The following RWDD1 variants were observed in gnomAD, a reference collection of about 807,000 sequenced individuals.
The protein encoded by RWDD1 is RWD domain containing 1, also known as RWD domain-containing protein 1.
In RWDD1, 17 loss-of-function variants were observed where a neutral mutation model predicts 31.6. The ratio of observed to expected loss-of-function variants is 0.54; its 90% CI spans 0.37 to 0.81. The LOEUF is 0.81. RWDD1 is among the 30% of genes least tolerant of loss of function. The pLI is 0.00. For synonymous variants in RWDD1, 78 were observed against 94.2 expected (o/e 0.83, Z 0.99); for missense variants, 204 against 274.5 (o/e 0.74, Z 1.82).
chr6:116,573,290 C>A (rs1774779414), intron 1 of RWDD1, among the ~76,000 whole-genome samples: 1 of 152,126 alleles, frequency 6.6e-6, no homozygotes, highest in East Asian at 1.9e-4. Context: ...TTGTACTAGG[C>A]CCTGACAGCT....
Position 116,581,389 on chromosome 6 carries a change from A to T in RWDD1, c.139+1029A>T, listed in dbSNP as rs1305608667. Among the ~76,000 whole-genome samples the T allele has an allele frequency of 2.0e-5, 3 of 152,060 alleles. 1 individual carries two copies. The highest frequency in any genetic ancestry group is 7.2e-5 in the African/African-American group (3 of 41,440). Reference sequence around the variant, plus strand: ...TAATCCAAATAAAATTTTCTTTAAGATTACGCTGAAATGAAAAATAAAATA... The same window carrying T: ...TAATCCAAATAAAATTTTCTTTAAGTTTACGCTGAAATGAAAAATAAAATA... On this transcript the variant is annotated intron_variant, in intron 2 of 6. Transcript: ENST00000466444.
chr6:116,579,938 G>A (rs781708410), intron 1 of RWDD1, among the ~76,000 whole-genome samples: 1 of 152,174 alleles, frequency 6.6e-6, no homozygotes, highest in Non-Finnish European at 1.5e-5. Context: ...AGTTTCAGGT[G>A]AGAAACATGA....
rs148673509 is a variant in RWDD1 at position 116,573,104 on chromosome 6, T to G, written c.73+1449T>G. ...AATCATGTTTGGTCATTTCCAGTAC[T>G]TTGGAAACATACTAGGTATGAACAC... is the stretch of plus-strand genomic sequence containing the variant. On this transcript the variant is annotated intron_variant, in intron 1 of 6. Transcript: ENST00000466444. 164 of 592,084 alleles carry G rather than the reference T, an allele frequency of 2.8e-4. No individual in the cohort carries two copies. In the African/African-American group the frequency reaches 3.1e-3, roughly 11 times the overall value. The allele number at this position is 592,084 out of a possible 1,614,324, so 36.7% of individuals were successfully genotyped here. A position where few individuals can be genotyped will look rare whatever the true frequency, so the allele number is the denominator to read the frequency against.
At chr6:116,590,509 A>G in intron 5 of RWDD1, 105 bp downstream of exon 5, 2 of 1,358,396 alleles carry the variant, frequency 1.5e-6, no homozygotes, top group Non-Finnish European at 9.8e-7. Flanking sequence ...TAATATACAT[A>G]GGCATCTAGG....
intron 1 of RWDD1, among the ~76,000 whole-genome samples, chr6:116,578,036 CA>C (rs1774880608): frequency 6.6e-6 from 1 of 152,062 alleles, no homozygotes; most frequent in South Asian, 2.1e-4. Context: ...CAGCCTAGCT[CA>C]AATGACTTTC....
chr6:116,592,060 C>G (rs1775154180), intron 6 of RWDD1, among the ~76,000 whole-genome samples: 1 of 152,210 alleles, frequency 6.6e-6, no homozygotes, highest in South Asian at 2.1e-4. Context: ...TATAGTCACT[C>G]CCTATGAGAT....
rs1775233829 is a variant in RWDD1, at chr6:116,595,941, A to G, written c.*2840A>G. 1 of 152,218 alleles carries G rather than the reference A, an allele frequency of 6.6e-6. No homozygotes were observed. Among genetic ancestry groups the G allele is most frequent in the Non-Finnish European group, 1.5e-5 (1 of 68,024 alleles). The allele number at this position is 152,218 out of a possible 1,614,324, so 9.4% of individuals were successfully genotyped here. On this transcript the variant is annotated 3_prime_UTR_variant, in exon 7 of 7. Coordinates refer to ENST00000466444, the MANE Select transcript of RWDD1 (RefSeq NM_015952.4). Reference sequence around the variant, plus strand: ...TGGGGTAAAACTAAGAGGAGTGATAATAACATCTCATCAATTTAAAGGACA... The same window carrying G: ...TGGGGTAAAACTAAGAGGAGTGATAGTAACATCTCATCAATTTAAAGGACA...
intron 2 of RWDD1, among the ~76,000 whole-genome samples, 169 bp from the exon 3 acceptor site, chr6:116,584,558 T>C (rs961170536): frequency 1.3e-5 from 2 of 152,242 alleles, no homozygotes; most frequent in African/African-American, 2.4e-5. Context: ...ATTTGTTTCA[T>C]GTATCTCTTT....
chr6:116,571,891 G>C (rs1040164842), intron 1 of RWDD1, among the ~76,000 whole-genome samples: 4 of 151,942 alleles, frequency 2.6e-5, no homozygotes, highest in African/African-American at 9.7e-5. Flanking sequence ...AGGGTGTCAG[G>C]CCTGAAAATT....
chr6:116,573,484 T>A (rs1774784005), intron 1 of RWDD1, among the ~76,000 whole-genome samples: 1 of 152,260 alleles, frequency 6.6e-6, no homozygotes, highest in Non-Finnish European at 1.5e-5. Context: ...TAAATTAAAA[T>A]GAGGTGTCTT....
At position 116,579,836 on chromosome 6, in the gene RWDD1, C is replaced by T. The variant is rs117654420; in HGVS notation, c.74-459C>T. Among the ~76,000 whole-genome samples, 78 of 152,236 alleles carry T rather than the reference C, an allele frequency of 5.1e-4. 1 individual carries two copies. The East Asian group carries it at 0.012, about 24-fold the overall frequency. On this transcript the variant is annotated intron_variant, in intron 1 of 6. Coordinates refer to ENST00000466444, the MANE Select transcript of RWDD1 (RefSeq NM_015952.4). ...GACAGCAAGAAGACATAAACTTTAA[C>T]AAATCGGTATTTACTGTTTGTCATG...
In RWDD1 at chr6:116,595,074, C is replaced by T. The variant is rs958119852; in HGVS notation, c.*1973C>T. On this transcript the variant is annotated 3_prime_UTR_variant, in exon 7 of 7. Coordinates refer to ENST00000466444, the MANE Select transcript of RWDD1 (RefSeq NM_015952.4). ...TGTCCTATGTGAGATTTTGCTTTTC[C>T]CATCTTTTTGAAGCTGATCAGCAGA... 2 of 152,058 alleles carry T rather than the reference C, an allele frequency of 1.3e-5. No individual in the cohort carries two copies. The highest frequency in any genetic ancestry group is 2.9e-5 in the Non-Finnish European group (2 of 67,998). 9.4% of individuals were successfully genotyped at this position (152,058 alleles called of 1,614,324 possible).
chr6:116,591,721 C>T (rs757221481), intron 6 of RWDD1, among the ~76,000 whole-genome samples: 1 of 152,254 alleles, frequency 6.6e-6, no homozygotes, highest in African/African-American at 2.4e-5. Context: ...GCTCCATACT[C>T]AGTCACACCT....
chr6:116,591,290 A>G (rs1562380686), intron 6 of RWDD1, among the ~76,000 whole-genome samples: 1 of 152,200 alleles, frequency 6.6e-6, no homozygotes, highest in African/African-American at 2.4e-5. Context: ...ATAGCAACAT[A>G]TATTTTAAAT....
intron 3 of RWDD1, among the ~76,000 whole-genome samples, chr6:116,586,083 A>C (rs1006496806): frequency 6.6e-6 from 1 of 152,156 alleles, no homozygotes; most frequent in South Asian, 2.1e-4. Context: ...TTTTGTTTGT[A>C]CTCAAACTGT....
rs947509094 is a variant in RWDD1, at chr6:116,595,055, A to G, written c.*1954A>G. ...AGAGAGAAATCCAAAAGTTTGTCCT[A>G]TGTGAGATTTTGCTTTTCCCATCTT... On this transcript the variant is annotated 3_prime_UTR_variant, in exon 7 of 7. Coordinates refer to ENST00000466444, the MANE Select transcript of RWDD1 (RefSeq NM_015952.4). The G allele has an allele frequency of 6.6e-6, 1 of 152,240 alleles. No homozygotes were observed. The highest frequency in any genetic ancestry group is 1.5e-5 in the Non-Finnish European group (1 of 68,034). The allele number at this position is 152,240 out of a possible 1,614,324, so 9.4% of individuals were successfully genotyped here.
chr6:116,585,423 G>A (rs1382828469), intron 3 of RWDD1, among the ~76,000 whole-genome samples: 1 of 152,098 alleles, frequency 6.6e-6, no homozygotes, highest in African/African-American at 2.4e-5. Context: ...TTGTGGGATA[G>A]GCTACCTGTA....
rs1180199094 is a variant in RWDD1, at chr6:116,584,735, A to G, written c.148A>G (p.Thr50Ala). The G allele has an allele frequency of 6.2e-7, 1 of 1,611,180 alleles. No homozygotes were observed. Among genetic ancestry groups the G allele is most frequent in the Admixed American group, 1.7e-5 (1 of 59,904 alleles). The change falls in exon 3 of 7, where the codon ACT becomes GCT. Residue 50 changes from threonine (T) to alanine (A), a missense_variant. By Grantham distance (58) the Thr-to-Ala change is moderately conservative. Coordinates refer to ENST00000466444, the MANE Select transcript of RWDD1 (RefSeq NM_015952.4). Reference protein sequence around the residue: ...EAGENDETVQTTLKFTYSEKY... With the variant: ...EAGENDETVQATLKFTYSEKY... ...CTTATCTTGTGTCTTAGCTGTCCAG[A>G]CTACCCTCAAGTTTACATACAGTGA...
Position 116,593,944 on chromosome 6 carries a change from CAAA to C in RWDD1, c.*855_*857del, listed in dbSNP as rs79042369. On this transcript the variant is annotated 3_prime_UTR_variant, in exon 7 of 7. Transcript: ENST00000466444. ...TGGGCAACAGAGCAAGACTCCGTCT[CAAA>C]AAAAAAAAAAAGGTTTATTTGGCTC... is the stretch of plus-strand genomic sequence containing the variant. 2.5e-5 allele frequency: 3 copies of C among 121,354 alleles called. No homozygotes were observed. The highest frequency in any genetic ancestry group is 3.6e-5 in the Non-Finnish European group (2 of 56,150). 7.5% of individuals were successfully genotyped at this position (121,354 alleles called of 1,614,324 possible). A position where few individuals can be genotyped will look rare whatever the true frequency, so the allele number is the denominator to read the frequency against.
Sources: allele counts gnomAD v4.1 joint callset (sites outside exome capture counted in the v4.1 genomes callset), GRCh38; gene constraint gnomAD v4.1.1; transcripts MANE v1.5; gene names NCBI Gene and HGNC (gene_info 2026-07-23, HGNC 2026-07-21).